The following CPNE4 variants were observed in gnomAD, a reference collection of about 807,000 sequenced individuals.
CPNE4 encodes copine 4, also known as copine-4.
In CPNE4, 25 loss-of-function variants were observed where a neutral mutation model predicts 67.9. The observed-to-expected ratio is 0.37, with a 90% confidence interval of 0.27 to 0.51. CPNE4 has a LOEUF of 0.51. Among genes scored for constraint, CPNE4 ranks in the 20% least tolerant of loss-of-function variants. The pLI, the probability that CPNE4 is intolerant of heterozygous loss-of-function variation, is 0.93. For synonymous variants in CPNE4, 242 were observed against 244.9 expected (o/e 0.99, Z 0.11); for missense variants, 464 against 690.8 (o/e 0.67, Z 3.68).
chr3:131,916,113 T>C (rs2089171137), intron 1 of CPNE4, among the ~76,000 whole-genome samples: 1 of 152,148 alleles, frequency 6.6e-6, no homozygotes, highest in African/African-American at 2.4e-5. Flanking sequence ...GCAACTATAG[T>C]TCCTGAACGA....
chr3:131,817,476 GA>G (rs150540996), intron 2 of CPNE4, among the ~76,000 whole-genome samples: 14 of 152,330 alleles, frequency 9.2e-5, no homozygotes, highest in African/African-American at 3.4e-4. Context: ...GGAGGTCAGA[GA>G]AGTTAGCAAG....
chr3:131,578,710 TG>T (rs1324328103), intron 9 of CPNE4, among the ~76,000 whole-genome samples: 1 of 152,178 alleles, frequency 6.6e-6, no homozygotes. Context: ...GAAGTTTTAG[TG>T]GTTTAGATAA....
chr3:131,802,173 G>A (rs937071531), intron 2 of CPNE4, among the ~76,000 whole-genome samples: 1 of 152,114 alleles, frequency 6.6e-6, no homozygotes, highest in Non-Finnish European at 1.5e-5. Flanking sequence ...AGAGATTTGA[G>A]GCCGTAGAAA....
intron 2 of CPNE4, among the ~76,000 whole-genome samples, chr3:131,750,414 AT>A (rs1254538726): frequency 6.6e-6 from 1 of 151,942 alleles, no homozygotes; most frequent in Non-Finnish European, 1.5e-5. Context: ...TTACTTGAAC[AT>A]TTTTTTAAAT....
At position 131,784,222 on chromosome 3, in the gene CPNE4, C is replaced by T. The variant is rs144699080; in HGVS notation, c.181-60597G>A. The stretch of plus-strand genomic sequence containing the variant: ...CCTGCTTGGCACTTTCTATGCAGGG[C>T]GATATTACTTCCTAGCCCTTTGTTC... On this transcript the variant is annotated intron_variant, in intron 2 of 15. Coordinates refer to ENST00000429747, the MANE Select transcript of CPNE4 (RefSeq NM_130808.3). Among the ~76,000 whole-genome samples, 420 of 152,040 alleles carry T rather than the reference C, an allele frequency of 2.8e-3. 1 individual carries two copies. The highest frequency in any genetic ancestry group is 9.4e-3 in the African/African-American group (392 of 41,506).
chr3:131,923,459 C>T (rs953459181), intron 1 of CPNE4, among the ~76,000 whole-genome samples: 1 of 151,988 alleles, frequency 6.6e-6, no homozygotes, highest in South Asian at 2.1e-4. Context: ...ATTTCCAGCA[C>T]TTTGGGAGGC....
At chr3:131,970,714 T>G (rs2072478008) in intron 1 of CPNE4, among the ~76,000 whole-genome samples, 1 of 152,184 alleles carries the variant, frequency 6.6e-6, no homozygotes, top group Non-Finnish European at 1.5e-5. Flanking sequence ...AGCTTCACAT[T>G]AGATTTCATG....
At chr3:131,915,311 T>C (rs1482696127) in intron 1 of CPNE4, among the ~76,000 whole-genome samples, 1 of 152,228 alleles carries the variant, frequency 6.6e-6, no homozygotes, top group Non-Finnish European at 1.5e-5. Flanking sequence ...TAAGGTGTAG[T>C]GTATGTATTG....
intron 2 of CPNE4, among the ~76,000 whole-genome samples, chr3:131,801,593 A>G (rs2084132938): frequency 6.7e-6 from 1 of 149,644 alleles, no homozygotes; most frequent in Non-Finnish European, 1.5e-5. Flanking sequence ...GTCTCTGCCA[A>G]AGTAATATGT....
intron 2 of CPNE4, among the ~76,000 whole-genome samples, chr3:131,787,651 G>T (rs1560310816): frequency 6.6e-6 from 1 of 152,122 alleles, no homozygotes; most frequent in South Asian, 2.1e-4. Flanking sequence ...TAACACATGA[G>T]AGTAACTGGC....
chr3:131,706,832 A>G (rs534040564), intron 3 of CPNE4, among the ~76,000 whole-genome samples: 1 of 152,212 alleles, frequency 6.6e-6, no homozygotes, highest in East Asian at 1.9e-4. Flanking sequence ...CAATAACTTA[A>G]CTGTTTCAAC....
At chr3:131,623,395 T>C (rs1192454260) in intron 7 of CPNE4, among the ~76,000 whole-genome samples, 1 of 152,028 alleles carries the variant, frequency 6.6e-6, no homozygotes, top group Non-Finnish European at 1.5e-5. Flanking sequence ...TCCTCAAAAA[T>C]AAAAAAATCT....
chr3:132,013,529 G>T (rs1353252555), intron 1 of CPNE4, among the ~76,000 whole-genome samples: 1 of 152,010 alleles, frequency 6.6e-6, no homozygotes, highest in Non-Finnish European at 1.5e-5. Flanking sequence ...AGAACCCAAG[G>T]TCAACTTTTT....
rs199516084 is a variant in CPNE4 at position 131,801,418 on chromosome 3, G to GTGTATGTGTGTGTA, written c.181-77794_181-77793insTACACACACATACA. Among the ~76,000 whole-genome samples the GTGTATGTGTGTGTA allele has an allele frequency of 7.9e-3, 356 of 45,080 alleles. 15 individuals are homozygous for GTGTATGTGTGTGTA. The highest frequency in any genetic ancestry group is 0.012 in the Middle Eastern group (1 of 82). 29.6% of individuals were successfully genotyped at this position (45,080 alleles called of 152,430 possible). On this transcript the variant is annotated intron_variant, in intron 2 of 15. Transcript: ENST00000429747. ...TATATATATAGGTACATATATACGT[G>GTGTATGTGTGTGTA]TGTGTGTGTGTGTGTGTGTGTGTGT...
chr3:132,024,051 C>T (rs755876857), intron 1 of CPNE4, among the ~76,000 whole-genome samples: 4 of 91,832 alleles, frequency 4.4e-5, no homozygotes, highest in Non-Finnish European at 9.8e-5. Context: ...ATTTAATACA[C>T]GTGAACAAAA....
chr3:132,023,582 G>A (rs1421965085), intron 1 of CPNE4, among the ~76,000 whole-genome samples: 1 of 142,698 alleles, frequency 7.0e-6, no homozygotes, highest in Non-Finnish European at 1.5e-5. Context: ...CCGCCTCCCG[G>A]GTTCACGCCA....
chr3:131,795,020 T>C lies in CPNE4; in HGVS notation c.181-71395A>G, dbSNP rs1211653755. Among the ~76,000 whole-genome samples, 3 of 152,204 alleles carry C rather than the reference T, an allele frequency of 2.0e-5. No individual in the cohort carries two copies. In the East Asian group the frequency reaches 5.8e-4, roughly 29 times the overall value. On this transcript the variant is annotated intron_variant, in intron 2 of 15. Coordinates refer to ENST00000429747, the MANE Select transcript of CPNE4 (RefSeq NM_130808.3). ...CGTGGCTTAGCCATGGCAGTACTAC[T>C]ATTTTGGTTAGTTGTTTATTGCTTT...
chr3:131,934,945 ATTTC>A (rs2071180078), intron 1 of CPNE4, among the ~76,000 whole-genome samples: 2 of 152,202 alleles, frequency 1.3e-5, no homozygotes, highest in African/African-American at 4.8e-5. Flanking sequence ...GATGGCTTCT[ATTTC>A]TTCTGTGAAC....
At chr3:131,939,356 T>A (rs2071319543) in intron 1 of CPNE4, among the ~76,000 whole-genome samples, 1 of 150,600 alleles carries the variant, frequency 6.6e-6, no homozygotes, top group Non-Finnish European at 1.5e-5. Context: ...TGAAAAAAAA[T>A]GAAGCAGCAA....
Sources: gnomAD v4.1 joint callset for allele counts (sites outside exome capture counted in the v4.1 genomes callset) on GRCh38, gnomAD v4.1.1 for gene constraint, MANE v1.5 for transcripts, NCBI Gene and HGNC (gene_info 2026-07-23, HGNC 2026-07-21) for gene names.